The following PRAG1 variants were observed in gnomAD, a reference collection of about 807,000 sequenced individuals.
PRAG1 encodes inactive tyrosine-protein kinase PRAG1.
PRAG1 carries 110 observed loss-of-function variants against 95.6 expected under a neutral mutation model. That is an observed-to-expected ratio of 1.15 (90% CI 0.99 to 1.35). PRAG1 has a LOEUF of 1.35. Ranked by LOEUF, PRAG1 falls within the 40% of genes most tolerant of loss-of-function variation. The probability of loss-of-function intolerance (pLI) is 0.00; values close to 1 mark genes in which losing one functional copy is unlikely to be tolerated. For synonymous variants in PRAG1, 1,052 were observed against 819.4 expected (o/e 1.28, Z -4.85); for missense variants, 2,554 against 1,864.7 (o/e 1.37, Z -6.81).
rs1230351259 is a variant in PRAG1 at position 8,378,724 on chromosome 8, G to A, written c.331-646C>T. ...AAAAATACAAAAACTTGGTGGGCGT[G>A]GTGGTGTGTACCTACAGTCCCAGCT... On this transcript the variant is annotated intron_variant, in intron 2 of 5. Transcript: ENST00000615670. Among the ~76,000 whole-genome samples, 3 of 151,960 alleles carry A rather than the reference G, an allele frequency of 2.0e-5. No homozygotes were observed. The East Asian group carries it at 5.8e-4, about 29-fold the overall frequency.
chr8:8,376,447 C>T lies in PRAG1; in HGVS notation c.1962G>A (p.Trp654Ter). The change falls in exon 3 of 6, where the codon TGG becomes TGA. Residue 654 changes from tryptophan to a stop codon, truncating the protein, a stop_gained. Coordinates refer to ENST00000615670, the MANE Select transcript of PRAG1 (RefSeq NM_001080826.3). LOFTEE classifies it high-confidence loss of function. Reference protein sequence around the residue: ...EVEQELLSHSWGRETKNGPTD... With the variant: ...EVEQELLSHS ...TGGGGCCATTTTTGGTCTCTCTTCC[C>T]CAGCTGTGACTCAGCAATTCCTGCT... 6.2e-7 allele frequency: 1 copy of T among 1,614,154 alleles called. No homozygotes were observed. The highest frequency in any genetic ancestry group is 8.5e-7 in the Non-Finnish European group (1 of 1,180,018).
intron 3 of PRAG1, among the ~76,000 whole-genome samples, chr8:8,357,716 G>T (rs76307892): frequency 0.025 from 3,803 of 152,250 alleles, 147 homozygotes; most frequent in African/African-American, 0.081. Context: ...TGAAAACAGG[G>T]TCTCTAACAG....
intron 3 of PRAG1, among the ~76,000 whole-genome samples, chr8:8,346,987 T>A (rs1799364424): frequency 6.6e-6 from 1 of 152,208 alleles, no homozygotes; most frequent in East Asian, 1.9e-4. Flanking sequence ...TTAGTAATGA[T>A]CTGGAGAAGA....
At chr8:8,365,330 A>C (rs1037399855) in intron 3 of PRAG1, among the ~76,000 whole-genome samples, 15 of 152,250 alleles carry the variant, frequency 9.9e-5, no homozygotes, top group African/African-American at 2.9e-4. Context: ...GGGCACTGAA[A>C]ATCAATACAA....
chr8:8,324,865 AT>A lies in PRAG1; in HGVS notation c.3072+2844del, dbSNP rs71537826. Among the ~76,000 whole-genome samples the A allele has an allele frequency of 9.7e-3, 1,468 of 150,802 alleles. 32 individuals carry two copies. The highest frequency in any genetic ancestry group is 0.033 in the African/African-American group (1,376 of 41,124). ...TTCGAAGACGCACACACAACTAATG[AT>A]TTTTTTTTTCCTGTCACCTATTCAT... On this transcript the variant is annotated intron_variant, in intron 5 of 5. Coordinates refer to ENST00000615670, the MANE Select transcript of PRAG1 (RefSeq NM_001080826.3).
At chr8:8,340,457 C>G (rs1799126461) in intron 3 of PRAG1, among the ~76,000 whole-genome samples, 2 of 152,032 alleles carry the variant, frequency 1.3e-5, no homozygotes, top group South Asian at 4.2e-4. Flanking sequence ...TGAAGGGAGA[C>G]AGATCCACAC....
chr8:8,352,509 C>G (rs986036443), intron 3 of PRAG1, among the ~76,000 whole-genome samples: 1 of 152,180 alleles, frequency 6.6e-6, no homozygotes, highest in African/African-American at 2.4e-5. Context: ...AAGCATTCAT[C>G]ACTTTTATTC....
intron 3 of PRAG1, among the ~76,000 whole-genome samples, chr8:8,372,266 C>T (rs559202309): frequency 1.2e-4 from 19 of 152,322 alleles, no homozygotes; most frequent in African/African-American, 3.8e-4. Context: ...GTGATCCACC[C>T]GCCTTGGCCT....
rs776678248 is a variant in PRAG1 at position 8,377,524 on chromosome 8, G to T, written c.885C>A (p.Ser295=). ...SPTCWEQGKC[S]GPAEQEKRGP... ...CCCGCTTCTCCTGCTCTGCGGGCCCGGAACACTTCCCCTGCTCCCAGCACG... is the reference window on the plus strand; with the variant it reads ...CCCGCTTCTCCTGCTCTGCGGGCCCTGAACACTTCCCCTGCTCCCAGCACG... The change falls in exon 3 of 6, where the codon TCC becomes TCA. Residue 295 remains serine, a synonymous_variant. Coordinates refer to ENST00000615670, the MANE Select transcript of PRAG1 (RefSeq NM_001080826.3). The T allele has an allele frequency of 1.9e-6, 3 of 1,578,750 alleles. No homozygotes were observed. The highest frequency in any genetic ancestry group is 1.7e-6 in the Non-Finnish European group (2 of 1,161,368).
chr8:8,372,054 A>T (rs1408669172), intron 3 of PRAG1, among the ~76,000 whole-genome samples: 1 of 152,228 alleles, frequency 6.6e-6, no homozygotes, highest in Non-Finnish European at 1.5e-5. Flanking sequence ...TTTCTTGGTG[A>T]AACGCTTATC....
chr8:8,380,604 T>C (rs911082093), intron 2 of PRAG1, among the ~76,000 whole-genome samples: 1 of 151,630 alleles, frequency 6.6e-6, no homozygotes, highest in African/African-American at 2.4e-5. Context: ...GCCTATAATC[T>C]CAGCACTTTG....
At chr8:8,375,244 C>T (rs1335581938) in intron 3 of PRAG1, among the ~76,000 whole-genome samples, 1 of 151,462 alleles carries the variant, frequency 6.6e-6, no homozygotes, top group East Asian at 1.9e-4. Context: ...CACTCTGTCG[C>T]CCAGGCTGGA....
chr8:8,383,030 G>C (rs1012124034), intron 1 of PRAG1, among the ~76,000 whole-genome samples: 2 of 152,176 alleles, frequency 1.3e-5, no homozygotes, highest in Admixed American at 6.5e-5. Flanking sequence ...AGGGTGAATA[G>C]GTTCTCATTA....
chr8:8,344,453 T>TA (rs1335823020), intron 3 of PRAG1, among the ~76,000 whole-genome samples: 6 of 152,184 alleles, frequency 3.9e-5, no homozygotes, highest in Admixed American at 3.3e-4. Context: ...GAGCACATAA[T>TA]AAAATGTAAA....
At chr8:8,327,377 C>A (rs543889835) in intron 5 of PRAG1, among the ~76,000 whole-genome samples, 1 of 152,060 alleles carries the variant, frequency 6.6e-6, no homozygotes, top group Non-Finnish European at 1.5e-5. Flanking sequence ...CAAGACCAGC[C>A]GGGCCAATAT....
chr8:8,339,862 T>C lies in PRAG1; in HGVS notation c.2163-227A>G, dbSNP rs1400895110. ...GTGTGGTTAGGAGAAGCGAGTCTAT[T>C]AAATTTAAACAAGCACCAAAATTCT... On this transcript the variant is annotated intron_variant, in intron 3 of 5. Transcript: ENST00000615670. 2.6e-5 allele frequency among the ~76,000 whole-genome samples: 4 copies of C among 152,326 alleles called. No individual in the cohort carries two copies. The East Asian group carries it at 5.8e-4, about 22-fold the overall frequency.
chr8:8,328,463 T>C lies in PRAG1; in HGVS notation c.2321-2A>G. 1 of 1,613,158 alleles carries C rather than the reference T, an allele frequency of 6.2e-7. No homozygotes were observed. The highest frequency in any genetic ancestry group is 8.5e-7 in the Non-Finnish European group (1 of 1,179,896). On this transcript the variant is annotated splice_acceptor_variant, in intron 4 of 5. Transcript: ENST00000615670. LOFTEE classifies it high-confidence loss of function. Reference sequence around the variant, plus strand: ...AGTGAGCCAGCTCAGACGAGGGACCTGAAGAGGAGAGACAGAAACCATAAG... The same window carrying C: ...AGTGAGCCAGCTCAGACGAGGGACCCGAAGAGGAGAGACAGAAACCATAAG...
At chr8:8,341,958 C>G (rs1332937039) in intron 3 of PRAG1, among the ~76,000 whole-genome samples, 2 of 151,978 alleles carry the variant, frequency 1.3e-5, no homozygotes, top group Non-Finnish European at 2.9e-5. Flanking sequence ...CAGGCCAACC[C>G]CATCTCTACT....
chr8:8,379,121 G>T (rs992199435), intron 2 of PRAG1, among the ~76,000 whole-genome samples: 1 of 151,840 alleles, frequency 6.6e-6, no homozygotes, highest in Non-Finnish European at 1.5e-5. Flanking sequence ...AGAGTGAGGG[G>T]TGTTTTCTGA....
Sources: allele counts gnomAD v4.1 joint callset (sites outside exome capture counted in the v4.1 genomes callset), GRCh38; gene constraint gnomAD v4.1.1; transcripts MANE v1.5; gene names NCBI Gene and HGNC (gene_info 2026-07-23, HGNC 2026-07-21).